MPZL1: variants seen among roughly 807,000 people sequenced by gnomAD.
MPZL1 encodes myelin protein zero like 1.
MPZL1 carries 16 observed loss-of-function variants against 29.3 expected under a neutral mutation model. That is an observed-to-expected ratio of 0.55 (90% CI 0.37 to 0.83). The LOEUF (loss-of-function observed/expected upper bound fraction) is 0.83, where lower values mean the gene tolerates loss of function less well. Among genes scored for constraint, MPZL1 ranks in the 40% least tolerant of loss-of-function variants. The pLI, the probability that MPZL1 is intolerant of heterozygous loss-of-function variation, is 0.00. For synonymous variants in MPZL1, 143 were observed against 132.0 expected (o/e 1.08, Z -0.57); for missense variants, 279 against 332.9 (o/e 0.84, Z 1.26).
chr1:167,776,109 G>A lies in MPZL1; in HGVS notation c.651G>A (p.Arg217=). ...TGTCACCAGTTAAGCAGGCTCCTCG[G>A]AAGTCCCCCTCCGACACTGAGGGTC... The part of the protein sequence containing the change: ...ESLSPVKQAP[R]KSPSDTEGLV... Residue 217 remains arginine, a synonymous_variant, in exon 5 of 6, where the codon CGG becomes CGA. Coordinates refer to ENST00000359523, the MANE Select transcript of MPZL1 (RefSeq NM_003953.6). 1 of 1,612,656 alleles carries A rather than the reference G, an allele frequency of 6.2e-7. No homozygotes were observed. The highest frequency in any genetic ancestry group is 8.5e-7 in the Non-Finnish European group (1 of 1,179,196).
intron 1 of MPZL1, among the ~76,000 whole-genome samples, chr1:167,748,040 G>A (rs1347006953): frequency 6.6e-6 from 1 of 152,130 alleles, no homozygotes; most frequent in Admixed American, 6.5e-5. Flanking sequence ...TTTCATTCAT[G>A]ATGTAGCATG....
At position 167,722,225 on chromosome 1, in the gene MPZL1, C is replaced by T. The variant is rs1186290504; in HGVS notation, c.74C>T (p.Ala25Val). Residue 25 changes from alanine (A) to valine (V), a missense_variant, in exon 1 of 6, where the codon GCG becomes GTG. By Grantham distance (64) the Ala-to-Val change is moderately conservative. Transcript: ENST00000359523. ...CGGCGCTGGCTGTGGTCGGTGCTGG[C>T]GGCGGCGCTTGGGCTCTGTAAGTGA... Reference protein sequence around the residue: ...DSRRWLWSVLAAALGLLTAGV... With the variant: ...DSRRWLWSVLVAALGLLTAGV... 2 of 1,239,242 alleles carry T rather than the reference C, an allele frequency of 1.6e-6. No individual in the cohort carries two copies. The highest frequency in any genetic ancestry group is 1.6e-5 in the African/African-American group (1 of 64,404). 76.8% of individuals were successfully genotyped at this position (1,239,242 alleles called of 1,614,324 possible). A position where few individuals can be genotyped will look rare whatever the true frequency, so the allele number is the denominator to read the frequency against.
At chr1:167,770,058 G>A (rs1176698542) in intron 2 of MPZL1, among the ~76,000 whole-genome samples, 1 of 152,202 alleles carries the variant, frequency 6.6e-6, no homozygotes, top group Non-Finnish European at 1.5e-5. Context: ...AAGCTTGGGG[G>A]AGAGGGGCAG....
intron 1 of MPZL1, among the ~76,000 whole-genome samples, chr1:167,747,062 G>C (rs1267326536): frequency 1.3e-5 from 2 of 152,064 alleles, no homozygotes; most frequent in Non-Finnish European, 1.5e-5. Context: ...AATGGAACCG[G>C]AATTATACAA....
intron 1 of MPZL1, among the ~76,000 whole-genome samples, chr1:167,728,025 G>A (rs1261999808): frequency 5.4e-5 from 6 of 110,582 alleles, no homozygotes; most frequent in Non-Finnish European, 1.0e-4. Context: ...AAGCCACCAC[G>A]CCCAACTAAT....
chr1:167,739,282 C>CATATATACATATATATATATATAT lies in MPZL1; in HGVS notation c.91+17047_91+17048insCATATATATATATATATATATATA, dbSNP rs1387652331. On this transcript the variant is annotated intron_variant, in intron 1 of 5. Transcript: ENST00000359523. ...ATACACATACATATATACATATATA[C>CATATATACATATATATATATATAT]ATATATATATATATATATATATATA... Among the ~76,000 whole-genome samples, 444 of 90,004 alleles carry CATATATACATATATATATATATAT rather than the reference C, an allele frequency of 4.9e-3. 1 individual carries two copies. The highest frequency in any genetic ancestry group is 7.4e-3 in the South Asian group (22 of 2,990). 59.0% of individuals were successfully genotyped at this position (90,004 alleles called of 152,430 possible). A position where few individuals can be genotyped will look rare whatever the true frequency, so the allele number is the denominator to read the frequency against.
intron 1 of MPZL1, among the ~76,000 whole-genome samples, chr1:167,734,075 T>C (rs908732127): frequency 1.3e-5 from 2 of 151,954 alleles, no homozygotes; most frequent in African/African-American, 4.8e-5. Flanking sequence ...GCTTACATGG[T>C]GAAACCCCGT....
At chr1:167,786,186 T>C (rs1202136752) in intron 5 of MPZL1, among the ~76,000 whole-genome samples, 1 of 152,228 alleles carries the variant, frequency 6.6e-6, no homozygotes, top group East Asian at 1.9e-4. Context: ...TGTATGATTA[T>C]TAACCATGTG....
chr1:167,745,141 T>C (rs1660618569), intron 1 of MPZL1, among the ~76,000 whole-genome samples: 2 of 152,072 alleles, frequency 1.3e-5, no homozygotes, highest in Non-Finnish European at 2.9e-5. Context: ...TGAAGGTCCT[T>C]ATATGCCCCT....
chr1:167,753,746 C>T (rs1660807128), intron 1 of MPZL1, among the ~76,000 whole-genome samples: 1 of 152,006 alleles, frequency 6.6e-6, no homozygotes, highest in Admixed American at 6.6e-5. Context: ...TCTCCTACCT[C>T]AGTCTCCCAG....
chr1:167,738,479 A>G (rs1476507623), intron 1 of MPZL1, among the ~76,000 whole-genome samples: 1 of 152,082 alleles, frequency 6.6e-6, no homozygotes, highest in Non-Finnish European at 1.5e-5. Context: ...TTTTCCTACT[A>G]TTTATAGCTG....
intron 1 of MPZL1, among the ~76,000 whole-genome samples, chr1:167,734,965 C>T (rs370225543): frequency 1.3e-5 from 2 of 152,148 alleles, no homozygotes; most frequent in East Asian, 1.9e-4. Flanking sequence ...ACCCTGCAGA[C>T]GTTGGGAATT....
At chr1:167,760,747 CTGTGTG>C (rs58963124) in intron 1 of MPZL1, among the ~76,000 whole-genome samples, 6,265 of 120,098 alleles carry the variant, frequency 0.052, 423 homozygotes, top group African/African-American at 0.17. Context: ...GTTGAATAGG[CTGTGTG>C]TGTGTGTGTG....
At position 167,750,494 on chromosome 1, in the gene MPZL1, G is replaced by A. The variant is rs530319771; in HGVS notation, c.92-15089G>A. On this transcript the variant is annotated intron_variant, in intron 1 of 5. Coordinates refer to ENST00000359523, the MANE Select transcript of MPZL1 (RefSeq NM_003953.6). ...TGGGATTAAAGGCGTGAGCCACCGT[G>A]CCTGGCCCACCCAGGTTTTTCAGAT... Among the ~76,000 whole-genome samples the A allele has an allele frequency of 9.5e-4, 144 of 152,190 alleles. 2 individuals are homozygous for A. The highest frequency in any genetic ancestry group is 5.2e-3 in the South Asian group (25 of 4,810).
intron 1 of MPZL1, among the ~76,000 whole-genome samples, chr1:167,738,431 C>G (rs184690422): frequency 6.6e-6 from 1 of 152,132 alleles, no homozygotes; most frequent in African/African-American, 2.4e-5. Context: ...TAACTACTAA[C>G]CCCATTATTT....
At chr1:167,735,656 GA>G in intron 1 of MPZL1, among the ~76,000 whole-genome samples, 1 of 152,222 alleles carries the variant, frequency 6.6e-6, no homozygotes, top group East Asian at 1.9e-4. Flanking sequence ...GAGACCTAGG[GA>G]AAAGTTGCAA....
At chr1:167,757,126 C>T (rs1660885626) in intron 1 of MPZL1, among the ~76,000 whole-genome samples, 1 of 152,162 alleles carries the variant, frequency 6.6e-6, no homozygotes, top group South Asian at 2.1e-4. Context: ...CAATAGCAGC[C>T]CTGATTCGCG....
chr1:167,780,901 T>C (rs1661483680), intron 5 of MPZL1, among the ~76,000 whole-genome samples: 1 of 152,152 alleles, frequency 6.6e-6, no homozygotes, highest in African/African-American at 2.4e-5. Context: ...ACCACATTTT[T>C]TAAACAGTAA....
At chr1:167,751,444 C>A (rs557181080) in intron 1 of MPZL1, among the ~76,000 whole-genome samples, 53 of 151,888 alleles carry the variant, frequency 3.5e-4, no homozygotes, top group African/African-American at 1.3e-3. Flanking sequence ...CTGAGGTGGG[C>A]GGATCACTTG....
Sources: allele counts gnomAD v4.1 joint callset (sites outside exome capture counted in the v4.1 genomes callset), GRCh38; gene constraint gnomAD v4.1.1; transcripts MANE v1.5; gene names NCBI Gene and HGNC (gene_info 2026-07-23, HGNC 2026-07-21).